The following PARN variants were observed in gnomAD, a reference collection of about 807,000 sequenced individuals.
PARN encodes poly(A)-specific ribonuclease PARN.
Under a neutral mutation model 102.8 loss-of-function variants are expected in PARN, and 71 were observed. That is an observed-to-expected ratio of 0.69 (90% CI 0.57 to 0.84). PARN has a LOEUF of 0.84. Among genes scored for constraint, PARN ranks in the 40% least tolerant of loss-of-function variants. The probability of loss-of-function intolerance (pLI) is 0.00; values close to 1 mark genes in which losing one functional copy is unlikely to be tolerated. For synonymous variants in PARN, 261 were observed against 252.9 expected, an observed-to-expected ratio of 1.03 and a Z score of -0.30; for missense variants, 782 against 760.9, an observed-to-expected ratio of 1.03 and a Z score of -0.33.
At chr16:14,481,068 C>T (rs1042000832) in intron 22 of PARN, among the ~76,000 whole-genome samples, 4 of 152,134 alleles carry the variant, frequency 2.6e-5, no homozygotes, top group Non-Finnish European at 4.4e-5. Context: ...CTATAAAATG[C>T]TATATCCACT....
In PARN at chr16:14,460,416, T is replaced by C. The variant is rs1343278468; in HGVS notation, c.1671-13335A>G. ...TACAAACTACAGCCAGTCCTTGCTTTGCACGTAGTACAGGATCATAAAAAC... is the reference window on the plus strand; with the variant it reads ...TACAAACTACAGCCAGTCCTTGCTTCGCACGTAGTACAGGATCATAAAAAC... On this transcript the variant is annotated intron_variant, in intron 22 of 23. Coordinates refer to ENST00000437198, the MANE Select transcript of PARN (RefSeq NM_002582.4). 2.0e-5 allele frequency among the ~76,000 whole-genome samples: 3 copies of C among 152,212 alleles called. No individual in the cohort carries two copies. The East Asian group carries it at 5.8e-4, about 29-fold the overall frequency.
chr16:14,488,959 G>A (rs1057387613), intron 21 of PARN, among the ~76,000 whole-genome samples: 1 of 152,080 alleles, frequency 6.6e-6, no homozygotes, highest in African/African-American at 2.4e-5. Context: ...CAAATCTGCA[G>A]TATATTCACA....
chr16:14,568,552 C>T (rs1366176290), intron 18 of PARN, among the ~76,000 whole-genome samples: 2 of 152,006 alleles, frequency 1.3e-5, no homozygotes, highest in African/African-American at 4.8e-5. Context: ...GCCATGTCTG[C>T]TCCACTGCAC....
chr16:14,444,307 CT>C (rs34275529), intron 23 of PARN, among the ~76,000 whole-genome samples: 104 of 148,788 alleles, frequency 7.0e-4, no homozygotes, highest in African/African-American at 1.9e-3. Context: ...GTCTCTTTCT[CT>C]TTTTTTTTTG....
In PARN at chr16:14,575,270, A is replaced by T. The variant is rs1025105278; in HGVS notation, c.1262+5604T>A. 3.3e-5 allele frequency among the ~76,000 whole-genome samples: 5 copies of T among 152,306 alleles called. No individual in the cohort carries two copies. The South Asian group carries it at 1.0e-3, about 32-fold the overall frequency. On this transcript the variant is annotated intron_variant, in intron 18 of 23. Transcript: ENST00000437198. ...CTTCAGACAGCAGAATGGCAGATCC[A>T]CCAACAGCTTGCACCATGCATCTGG...
At chr16:14,611,131 G>A (rs1203515338) in intron 6 of PARN, among the ~76,000 whole-genome samples, 1 of 152,188 alleles carries the variant, frequency 6.6e-6, no homozygotes, top group African/African-American at 2.4e-5. Context: ...GGAAAGTCAG[G>A]GAAAACCCAA....
chr16:14,618,419 T>C (rs1389378574), intron 5 of PARN, among the ~76,000 whole-genome samples: 3 of 145,592 alleles, frequency 2.1e-5, no homozygotes, highest in Admixed American at 7.0e-5. Flanking sequence ...ACCCGAGAGG[T>C]GGAGCTTGCA....
intron 20 of PARN, among the ~76,000 whole-genome samples, chr16:14,553,576 C>T (rs932902351): frequency 2.6e-5 from 4 of 152,134 alleles, no homozygotes; most frequent in Non-Finnish European, 5.9e-5. Context: ...TTCATAAACA[C>T]TTATCAGGAG....
intron 13 of PARN, among the ~76,000 whole-genome samples, chr16:14,590,579 G>C (rs192825127): frequency 6.9e-6 from 1 of 145,410 alleles, no homozygotes; most frequent in African/African-American, 2.5e-5. Context: ...AGGGTGCACT[G>C]AGCAGAGATC....
At chr16:14,609,674 A>G (rs1971401011) in intron 7 of PARN, among the ~76,000 whole-genome samples, 1 of 152,248 alleles carries the variant, frequency 6.6e-6, no homozygotes, top group Non-Finnish European at 1.5e-5. Context: ...GGACTCGTCA[A>G]TACAAGTGAT....
chr16:14,592,935 A>G (rs1467441959), intron 13 of PARN, among the ~76,000 whole-genome samples: 1 of 152,176 alleles, frequency 6.6e-6, no homozygotes, highest in South Asian at 2.1e-4. Flanking sequence ...CAGGAGTTCG[A>G]GAACAACCTG....
rs553706962 is a variant in PARN at position 14,449,072 on chromosome 16, G to A, written c.1671-1991C>T. On this transcript the variant is annotated intron_variant, in intron 22 of 23. Coordinates refer to ENST00000437198, the MANE Select transcript of PARN (RefSeq NM_002582.4). ...AAGATAATAAGGGTTCTTCTATCAC[G>A]AAAGGGGAAGAGGCCTAAAAATTCC... Among the ~76,000 whole-genome samples the A allele has an allele frequency of 3.3e-5, 5 of 152,232 alleles. No homozygotes were observed. The South Asian group carries it at 6.2e-4, about 19-fold the overall frequency.
intron 9 of PARN, among the ~76,000 whole-genome samples, chr16:14,607,524 G>C (rs1971268549): frequency 6.6e-6 from 1 of 152,058 alleles, no homozygotes; most frequent in Non-Finnish European, 1.5e-5. Context: ...TTTTTAGATT[G>C]CACAGGGCAT....
intron 2 of PARN, 25 bp downstream of exon 2, chr16:14,629,572 G>C: frequency 6.4e-7 from 1 of 1,570,700 alleles, no homozygotes; most frequent in South Asian, 1.1e-5. Context: ...CAAAGTGCTA[G>C]CCTGAGCTTG....
intron 18 of PARN, among the ~76,000 whole-genome samples, chr16:14,580,303 T>C (rs1322559724): frequency 6.6e-6 from 1 of 151,842 alleles, no homozygotes; most frequent in Non-Finnish European, 1.5e-5. Flanking sequence ...TGTTTTTTTT[T>C]TTCAGACAGA....
chr16:14,570,210 G>A (rs141677479), intron 18 of PARN, among the ~76,000 whole-genome samples: 329 of 149,878 alleles, frequency 2.2e-3, no homozygotes, highest in African/African-American at 7.0e-3. Flanking sequence ...GCAGTGGCAC[G>A]TGCCTGTAAT....
intron 21 of PARN, among the ~76,000 whole-genome samples, chr16:14,510,512 A>G (rs1295764559): frequency 6.6e-6 from 1 of 152,228 alleles, no homozygotes; most frequent in African/African-American, 2.4e-5. Context: ...TGTTTAATCC[A>G]CAAGTATGGA....
intron 21 of PARN, among the ~76,000 whole-genome samples, chr16:14,491,631 G>C (rs1964062149): frequency 6.6e-6 from 1 of 152,042 alleles, no homozygotes; most frequent in Non-Finnish European, 1.5e-5. Context: ...AATTAGCTGG[G>C]TGTGGTGGTG....
rs892810625 is a variant in PARN at position 14,630,208 on chromosome 16, C to T, written c.-83G>A. 32 of 1,262,574 alleles carry T rather than the reference C, an allele frequency of 2.5e-5. No homozygotes were observed. In the Admixed American group the frequency reaches 4.6e-4, roughly 18 times the overall value. The allele number at this position is 1,262,574 out of a possible 1,614,324, so 78.2% of individuals were successfully genotyped here. ...TACTCGCCGAATTCCGCGGCGACTG[C>T]GGCAGTAGCTGAGGCAGCCGCAGCG... On this transcript the variant is annotated 5_prime_UTR_variant, in exon 1 of 24. Coordinates refer to ENST00000437198, the MANE Select transcript of PARN (RefSeq NM_002582.4).
Sources: gnomAD v4.1 joint callset for allele counts (sites outside exome capture counted in the v4.1 genomes callset) on GRCh38, gnomAD v4.1.1 for gene constraint, MANE v1.5 for transcripts, NCBI Gene and HGNC (gene_info 2026-07-23, HGNC 2026-07-21) for gene names.